Variants in ELK3 observed in about 807,000 individuals in gnomAD.
ELK3 encodes ETS transcription factor ELK3.
In ELK3, 10 loss-of-function variants were observed where a neutral mutation model predicts 28.9. The observed-to-expected ratio is 0.35, with a 90% CI of 0.21 to 0.59. The LOEUF (loss-of-function observed/expected upper bound fraction) is 0.59. ELK3 is among the 20% of genes least tolerant of loss of function. The probability of loss-of-function intolerance (pLI) is 0.82; values close to 1 mark genes in which losing one functional copy is unlikely to be tolerated. For synonymous variants in ELK3, 272 were observed against 243.5 expected (o/e 1.12, Z -1.09); for missense variants, 463 against 517.3 (o/e 0.90, Z 1.02).
chr12:96,252,806 A>G (rs894550522), intron 3 of ELK3, among the ~76,000 whole-genome samples: 1 of 152,224 alleles, frequency 6.6e-6, no homozygotes, highest in African/African-American at 2.4e-5. Context: ...TGAAATGACA[A>G]CAAAGGACTG....
At chr12:96,219,804 AGTAAT>A (rs1295662379) in intron 1 of ELK3, among the ~76,000 whole-genome samples, 2 of 152,202 alleles carry the variant, frequency 1.3e-5, no homozygotes, top group Non-Finnish European at 2.9e-5. Context: ...CTTAGCTCTG[AGTAAT>A]GTCTGGCTGC....
At chr12:96,233,161 G>A (rs1226086390) in intron 2 of ELK3, among the ~76,000 whole-genome samples, 1 of 152,146 alleles carries the variant, frequency 6.6e-6, no homozygotes, top group South Asian at 2.1e-4. Flanking sequence ...TCAGCATGAG[G>A]TGGAGAGGGA....
In ELK3 at chr12:96,236,137, G is replaced by A. The variant is rs141785850; in HGVS notation, c.208-10803G>A. On this transcript the variant is annotated intron_variant, in intron 2 of 4. Transcript: ENST00000228741. ...CACCACCCCGCCTGAGCAGCTTTAT[G>A]TTCTATGTTATTAACACTTAAAAGG... 1.9e-3 allele frequency among the ~76,000 whole-genome samples: 284 copies of A among 152,272 alleles called. 1 individual carries two copies. The highest frequency in any genetic ancestry group is 5.3e-3 in the African/African-American group (221 of 41,564).
At chr12:96,197,151 A>C in intron 1 of ELK3, among the ~76,000 whole-genome samples, 1 of 152,214 alleles carries the variant, frequency 6.6e-6, no homozygotes, top group East Asian at 1.9e-4. Flanking sequence ...TTTAAATAAA[A>C]AAGGGAGTAT....
At chr12:96,248,622 A>G (rs924631577) in intron 3 of ELK3, among the ~76,000 whole-genome samples, 5 of 152,272 alleles carry the variant, frequency 3.3e-5, no homozygotes, top group African/African-American at 1.2e-4. Context: ...GGAAAATGGG[A>G]CCATGGACAG....
chr12:96,218,609 T>C (rs1041992611), intron 1 of ELK3, among the ~76,000 whole-genome samples: 5 of 151,132 alleles, frequency 3.3e-5, no homozygotes, highest in Non-Finnish European at 5.9e-5. Flanking sequence ...ACCCCCTGAA[T>C]CTTAAAAAAG....
rs751253932 is a variant in ELK3 at position 96,267,096 on chromosome 12, T to C, written c.1140T>C (p.Leu380=). ...PSTLFQFPTL[L]NGHMPVPIPS... is the part of the protein sequence containing the mutation. ...GTCCCCTACAGTTCCCCACACTGCTTAATGGCCACATGCCAGTGCCAATCC... is the reference window on the plus strand; with the variant it reads ...GTCCCCTACAGTTCCCCACACTGCTCAATGGCCACATGCCAGTGCCAATCC... The change falls in exon 5 of 5, where the codon CTT becomes CTC. Residue 380 remains leucine, a synonymous_variant. Transcript: ENST00000228741. The C allele has an allele frequency of 6.2e-7, 1 of 1,613,228 alleles. No individual in the cohort carries two copies. Among genetic ancestry groups the C allele is most frequent in the Non-Finnish European group, 8.5e-7 (1 of 1,179,672 alleles).
intron 2 of ELK3, among the ~76,000 whole-genome samples, chr12:96,230,974 A>C (rs1295985999): frequency 1.3e-5 from 2 of 152,222 alleles, no homozygotes; most frequent in South Asian, 2.1e-4. Flanking sequence ...ATGTTTTGCA[A>C]CCCGGGTATG....
chr12:96,230,617 C>T (rs1037588355), intron 2 of ELK3, among the ~76,000 whole-genome samples: 4 of 152,158 alleles, frequency 2.6e-5, no homozygotes, highest in African/African-American at 9.7e-5. Context: ...GGAGTCCTGC[C>T]TTGGAGGGAT....
chr12:96,221,181 T>G (rs1044379978), intron 1 of ELK3, among the ~76,000 whole-genome samples: 2 of 152,176 alleles, frequency 1.3e-5, no homozygotes, highest in Non-Finnish European at 2.9e-5. Flanking sequence ...TTGAGAACAT[T>G]TAACAAGTCT....
In ELK3 at chr12:96,267,112, G is replaced by C; in HGVS notation, c.1156G>C (p.Val386Leu). 1 of 1,613,666 alleles carries C rather than the reference G, an allele frequency of 6.2e-7. No homozygotes were observed. The highest frequency in any genetic ancestry group is 8.5e-7 in the Non-Finnish European group (1 of 1,179,806). Residue 386 changes from valine (V) to leucine (L), a missense_variant, in exon 5 of 5, where the codon GTG becomes CTG. Val to Leu is a conservative substitution (Grantham distance 32). Around this residue, in one of 2 missense-constraint regions of ELK3, gnomAD observed 408 missense variants for 414.8 expected, o/e 0.98. Transcript: ENST00000228741. ...FPTLLNGHMP[V>L]PIPSLDRAAS... ...CACACTGCTTAATGGCCACATGCCAGTGCCAATCCCCAGTCTGGACAGAGC... is the reference window on the plus strand; with the variant it reads ...CACACTGCTTAATGGCCACATGCCACTGCCAATCCCCAGTCTGGACAGAGC...
chr12:96,257,472 G>A (rs1007007492), intron 3 of ELK3, among the ~76,000 whole-genome samples: 2 of 152,172 alleles, frequency 1.3e-5, no homozygotes, highest in African/African-American at 2.4e-5. Context: ...ATGGGTATAC[G>A]TTTTAGACCA....
chr12:96,255,030 G>T (rs1290688847), intron 3 of ELK3, among the ~76,000 whole-genome samples: 1 of 152,168 alleles, frequency 6.6e-6, no homozygotes, highest in Non-Finnish European at 1.5e-5. Context: ...AGATTGGGAA[G>T]GGGGAAGGCT....
At chr12:96,236,272 C>T (rs75003719) in intron 2 of ELK3, among the ~76,000 whole-genome samples, 14,098 of 152,222 alleles carry the variant, frequency 0.093, 735 homozygotes, top group Middle Eastern at 0.13. Flanking sequence ...AAAAATGCTG[C>T]GAACGTCCAG....
At chr12:96,227,465 TTTATATG>T (rs1158917722) in intron 2 of ELK3, among the ~76,000 whole-genome samples, 3 of 152,152 alleles carry the variant, frequency 2.0e-5, no homozygotes, top group Non-Finnish European at 4.4e-5. Flanking sequence ...TATCATTATT[TTTATATG>T]TTATATGTTA....
At chr12:96,261,477 G>T (rs532220571) in intron 4 of ELK3, among the ~76,000 whole-genome samples, 2 of 152,322 alleles carry the variant, frequency 1.3e-5, no homozygotes, top group African/African-American at 4.8e-5. Context: ...CTCATTTCCT[G>T]AAAGTCTTAA....
At chr12:96,223,848 A>G (rs2137014901) in intron 2 of ELK3, 75 bp downstream of exon 2, 1 of 1,420,216 alleles carries the variant, frequency 7.0e-7, no homozygotes, top group Middle Eastern at 1.8e-4. Flanking sequence ...GATGAAAGAA[A>G]ATAATAGCGT....
chr12:96,235,729 G>A (rs1467390660), intron 2 of ELK3, among the ~76,000 whole-genome samples: 3 of 152,142 alleles, frequency 2.0e-5, no homozygotes, highest in African/African-American at 7.2e-5. Context: ...GGAGGTGGCC[G>A]CTCAACACAG....
At chr12:96,256,059 G>A (rs892124216) in intron 3 of ELK3, among the ~76,000 whole-genome samples, 1 of 152,196 alleles carries the variant, frequency 6.6e-6, no homozygotes, top group African/African-American at 2.4e-5. Context: ...ACTGAATGTT[G>A]AGTGAACTCA....
Sources: gnomAD v4.1 joint callset for allele counts (sites outside exome capture counted in the v4.1 genomes callset) on GRCh38, gnomAD v4.1.1 for gene constraint, gnomAD v4.1.1 regional missense constraint, MANE v1.5 for transcripts, NCBI Gene and HGNC (gene_info 2026-07-23, HGNC 2026-07-21) for gene names.